Variants in SUGCT observed in about 807,000 individuals in gnomAD.
The protein encoded by SUGCT is succinyl-CoA:glutarate CoA-transferase.
In SUGCT, 41 loss-of-function variants were observed where a neutral mutation model predicts 55.0. That is an observed-to-expected ratio of 0.74 (90% CI 0.58 to 0.97). The LOEUF (loss-of-function observed/expected upper bound fraction) is 0.97. SUGCT is among the 50% of genes least tolerant of loss of function. The pLI is 0.00. For synonymous variants in SUGCT, 187 were observed against 200.4 expected (o/e 0.93, Z 0.56); for missense variants, 568 against 547.8 (o/e 1.04, Z -0.37).
intron 13 of SUGCT, among the ~76,000 whole-genome samples, chr7:40,812,830 C>T (rs1791490538): frequency 6.6e-6 from 1 of 152,094 alleles, no homozygotes; most frequent in South Asian, 2.1e-4. Flanking sequence ...TGAGATCTTT[C>T]TAACCTTTTG....
At chr7:40,516,268 T>G (rs188596945) in intron 12 of SUGCT, among the ~76,000 whole-genome samples, 39 of 152,342 alleles carry the variant, frequency 2.6e-4, no homozygotes, top group African/African-American at 8.9e-4. Flanking sequence ...CTTGCAAATA[T>G]TATCTTCCAT....
rs1033951466 is a variant in SUGCT at position 40,218,412 on chromosome 7, C to T, written c.485-19223C>T. Among the ~76,000 whole-genome samples the T allele has an allele frequency of 5.9e-5, 9 of 152,170 alleles. No individual in the cohort carries two copies. The South Asian group carries it at 6.2e-4, about 11-fold the overall frequency. Reference sequence around the variant, plus strand: ...GTTGTAACTGGATGTCATGATCAGTCATCTCAATTATAAAAGTTAGGTGAC... The same window carrying T: ...GTTGTAACTGGATGTCATGATCAGTTATCTCAATTATAAAAGTTAGGTGAC... On this transcript the variant is annotated intron_variant, in intron 6 of 13. Transcript: ENST00000335693.
At chr7:40,374,368 TATTA>T (rs1784440484) in intron 9 of SUGCT, among the ~76,000 whole-genome samples, 1 of 152,180 alleles carries the variant, frequency 6.6e-6, no homozygotes, top group South Asian at 2.1e-4. Flanking sequence ...GGTTCAGAAA[TATTA>T]ATTCCCTTAA....
chr7:40,791,202 G>A (rs1411748703), intron 13 of SUGCT, among the ~76,000 whole-genome samples: 1 of 152,082 alleles, frequency 6.6e-6, no homozygotes, highest in Admixed American at 6.5e-5. Context: ...AATTAAAGTT[G>A]TTATGATAAA....
intron 3 of SUGCT, among the ~76,000 whole-genome samples, chr7:40,185,947 T>C (rs921983290): frequency 6.6e-6 from 1 of 152,074 alleles, no homozygotes; most frequent in African/African-American, 2.4e-5. Context: ...AACACAGATA[T>C]GAGAAAAAGG....
At chr7:40,236,105 T>A (rs1311004416) in intron 6 of SUGCT, among the ~76,000 whole-genome samples, 1 of 152,180 alleles carries the variant, frequency 6.6e-6, no homozygotes, top group East Asian at 1.9e-4. Flanking sequence ...TTGCCCAGGC[T>A]GCAGTGCGGT....
At chr7:40,663,310 G>T (rs1801426150) in intron 12 of SUGCT, among the ~76,000 whole-genome samples, 1 of 150,748 alleles carries the variant, frequency 6.6e-6, no homozygotes, top group South Asian at 2.1e-4. Flanking sequence ...AAAAAAATCT[G>T]GAAAGTCTGG....
intron 13 of SUGCT, chr7:40,793,158 G>A (rs1349639582): frequency 1.3e-5 from 2 of 152,028 alleles, no homozygotes; most frequent in African/African-American, 4.8e-5. Flanking sequence ...TGGAATTTCT[G>A]GTTGATTTTC....
chr7:40,386,405 T>G (rs1398702090), intron 9 of SUGCT, among the ~76,000 whole-genome samples: 1 of 152,198 alleles, frequency 6.6e-6, no homozygotes, highest in Non-Finnish European at 1.5e-5. Context: ...GTTGTGGGGC[T>G]GAGGTCCTGT....
chr7:40,933,517 C>G, the SUGCT span, among the ~76,000 whole-genome samples: 1 of 152,158 alleles, frequency 6.6e-6, no homozygotes. Context: ...GGATAATATC[C>G]TGAAGAGTGT....
At chr7:40,189,398 C>CTTTTTTTTTTTTTTTTTTTTT (rs771275549) in intron 4 of SUGCT, 146 bp from the exon 5 acceptor site, 3 of 143,910 alleles carry the variant, frequency 2.1e-5, no homozygotes, top group Admixed American at 7.8e-5. Flanking sequence ...AATACACATA[C>CTTTTTTTTTTTTTTTTTTTTT]TTTTTTTTTT....
At chr7:40,365,083 C>A (rs866498429) in intron 9 of SUGCT, among the ~76,000 whole-genome samples, 5 of 152,264 alleles carry the variant, frequency 3.3e-5, no homozygotes, top group Middle Eastern at 3.4e-3. Flanking sequence ...TGGGCTTCAT[C>A]CCTGGGATGC....
chr7:40,283,263 C>G (rs1426392090), intron 8 of SUGCT, among the ~76,000 whole-genome samples: 1 of 151,044 alleles, frequency 6.6e-6, no homozygotes, highest in East Asian at 1.9e-4. Flanking sequence ...GAGTCTTGCT[C>G]TGTCACCCAG....
intron 1 of SUGCT, among the ~76,000 whole-genome samples, chr7:40,137,423 C>G (rs1787755530): frequency 6.6e-6 from 1 of 152,184 alleles, no homozygotes; most frequent in African/African-American, 2.4e-5. Context: ...GGTGAGCCAC[C>G]ATGCCCAACC....
At chr7:40,174,949 G>T (rs1045115827) in intron 1 of SUGCT, among the ~76,000 whole-genome samples, 1 of 152,002 alleles carries the variant, frequency 6.6e-6, no homozygotes, top group Admixed American at 6.6e-5. Flanking sequence ...TTCCAATGTG[G>T]TGAGAAAAAA....
chr7:40,332,772 G>A (rs2151151167), intron 9 of SUGCT, among the ~76,000 whole-genome samples: 1 of 152,284 alleles, frequency 6.6e-6, no homozygotes, highest in African/African-American at 2.4e-5. Context: ...AATCTGTTAA[G>A]TGGCAGTTTA....
intron 12 of SUGCT, among the ~76,000 whole-genome samples, chr7:40,671,490 T>C (rs905165957): frequency 6.6e-6 from 1 of 152,184 alleles, no homozygotes; most frequent in Non-Finnish European, 1.5e-5. Flanking sequence ...TGAATACTTC[T>C]AGAACTAAAG....
At chr7:41,008,196 C>T in the SUGCT span, among the ~76,000 whole-genome samples, 2 of 152,202 alleles carry the variant, frequency 1.3e-5, no homozygotes, top group African/African-American at 4.8e-5. Context: ...GAGGGAGGCG[C>T]CCCTGGGCAC....
the SUGCT span, among the ~76,000 whole-genome samples, chr7:40,977,871 T>C: frequency 6.6e-6 from 1 of 152,152 alleles, no homozygotes; most frequent in South Asian, 2.1e-4. Flanking sequence ...GCCAGGAGAT[T>C]CTAGTCTTGG....
Sources: allele counts gnomAD v4.1 joint callset (sites outside exome capture counted in the v4.1 genomes callset), GRCh38; gene constraint gnomAD v4.1.1; transcripts MANE v1.5; gene names NCBI Gene and HGNC (gene_info 2026-07-23, HGNC 2026-07-21).